IFT74: variants seen among roughly 807,000 people sequenced by gnomAD.
The protein encoded by IFT74 is intraflagellar transport 74.
IFT74 carries 92 observed loss-of-function variants against 96.7 expected under a neutral mutation model. The observed-to-expected ratio is 0.95, with a 90% CI of 0.80 to 1.13. IFT74 has a LOEUF of 1.13. Among genes scored for constraint, IFT74 ranks in the 50% most tolerant of loss-of-function variants. IFT74 has a pLI of 0.00. For missense variants in IFT74, 811 were observed against 698.2 expected (o/e 1.16, Z -1.82); for synonymous variants, 223 against 213.2 (o/e 1.05, Z -0.40).
chr9:26,952,121 GTTTTT>G (rs1367809195), upstream of IFT74, among the ~76,000 whole-genome samples: 3 of 151,966 alleles, frequency 2.0e-5, no homozygotes, highest in South Asian at 2.1e-4. Context: ...CTTTTAGTGA[GTTTTT>G]TTGTTAAACA....
chr9:26,985,551 G>A (rs1827595052), intron 6 of IFT74, among the ~76,000 whole-genome samples: 1 of 152,006 alleles, frequency 6.6e-6, no homozygotes, highest in African/African-American at 2.4e-5. Context: ...TATTGGGAAA[G>A]ATGAAACCAT....
intron 14 of IFT74, among the ~76,000 whole-genome samples, chr9:27,045,419 A>G (rs1476193834): frequency 2.0e-5 from 3 of 152,106 alleles, no homozygotes; most frequent in African/African-American, 7.2e-5. Flanking sequence ...TCTCTTTTAC[A>G]TGCTTCACTA....
chr9:26,969,352 T>C (rs1165855947), intron 2 of IFT74, among the ~76,000 whole-genome samples: 1 of 152,050 alleles, frequency 6.6e-6, no homozygotes, highest in Non-Finnish European at 1.5e-5. Flanking sequence ...TTTTTTAAAC[T>C]GTTTTTGATT....
intron 13 of IFT74, among the ~76,000 whole-genome samples, chr9:27,038,672 G>A (rs1819323207): frequency 6.6e-6 from 1 of 152,226 alleles, no homozygotes; most frequent in South Asian, 2.1e-4. Context: ...AGAGCATAGA[G>A]AAACCCTTAC....
At chr9:27,004,898 A>G (rs1828691028) in intron 8 of IFT74, among the ~76,000 whole-genome samples, 1 of 152,230 alleles carries the variant, frequency 6.6e-6, no homozygotes, top group Non-Finnish European at 1.5e-5. Context: ...ATACTGAAAA[A>G]GAAGCATTGT....
chr9:26,996,633 T>C, intron 8 of IFT74: 1 of 511,332 alleles, frequency 2.0e-6, no homozygotes, highest in Non-Finnish European at 3.1e-6. Flanking sequence ...GTTGTATTTG[T>C]CTAGCAACAT....
chr9:26,948,621 C>A (rs1175481857), intron 1 of IFT74, among the ~76,000 whole-genome samples: 1 of 151,764 alleles, frequency 6.6e-6, no homozygotes, highest in Non-Finnish European at 1.5e-5. Context: ...AGCGCGCCAC[C>A]ATGCCCAGCT....
chr9:26,998,064 T>C, intron 8 of IFT74: 2 of 1,613,612 alleles, frequency 1.2e-6, no homozygotes, highest in South Asian at 2.2e-5. Flanking sequence ...TTATGTAAGA[T>C]AGTAACCTTG....
chr9:27,053,572 A>G (rs1256371908), intron 16 of IFT74, among the ~76,000 whole-genome samples: 2 of 152,130 alleles, frequency 1.3e-5, no homozygotes, highest in East Asian at 3.9e-4. Flanking sequence ...TAAACTTTGC[A>G]ACTTCACGGC....
chr9:27,018,568 T>C (rs1022171070), intron 11 of IFT74, 79 bp from the exon 12 acceptor site: 2 of 724,850 alleles, frequency 2.8e-6, no homozygotes, highest in African/African-American at 3.6e-5. Context: ...ACAATTGTAC[T>C]CTAGAAGGAA....
intron 13 of IFT74, among the ~76,000 whole-genome samples, chr9:27,035,442 G>A (rs537745141): frequency 6.6e-6 from 1 of 152,112 alleles, no homozygotes; most frequent in South Asian, 2.1e-4. Flanking sequence ...TCATTAAAAT[G>A]GTGGTATTAC....
chr9:26,963,453 T>C (rs1208905519), intron 2 of IFT74, among the ~76,000 whole-genome samples: 2 of 150,434 alleles, frequency 1.3e-5, no homozygotes, highest in Non-Finnish European at 2.9e-5. Context: ...GCATGATTTA[T>C]AGTCCTTTGG....
chr9:26,981,860 C>T (rs1358974933), intron 4 of IFT74, among the ~76,000 whole-genome samples: 3 of 151,720 alleles, frequency 2.0e-5, no homozygotes, highest in South Asian at 2.1e-4. Flanking sequence ...CCCTGCCTTC[C>T]GGGTTTAAGC....
intron 10 of IFT74, among the ~76,000 whole-genome samples, chr9:27,012,670 T>C (rs573784992): frequency 7.3e-5 from 11 of 150,774 alleles, no homozygotes; most frequent in East Asian, 2.0e-4. Flanking sequence ...GTGCATATGG[T>C]TTAAAAATAG....
chr9:27,058,990 GA>G (rs1820296015), intron 18 of IFT74, among the ~76,000 whole-genome samples: 1 of 151,874 alleles, frequency 6.6e-6, no homozygotes, highest in African/African-American at 2.4e-5. Context: ...GCAATTCTTG[GA>G]AAAAAATACT....
In IFT74 at chr9:27,063,510, G is replaced by A. The variant is rs534787624; in HGVS notation, c.*774G>A. ...ATATTTGGGGAAAAAAGCTAGAAGA[G>A]GTAGGATTGGGAGAGAGGCATAGAG... On this transcript the variant is annotated 3_prime_UTR_variant, in exon 20 of 20. Transcript: ENST00000380062. Among the ~76,000 whole-genome samples the A allele has an allele frequency of 1.3e-5, 2 of 152,156 alleles. No individual in the cohort carries two copies. The highest frequency in any genetic ancestry group is 3.9e-4 in the East Asian group (2 of 5,174).
chr9:26,981,751 A>G (rs2131533691), intron 4 of IFT74, among the ~76,000 whole-genome samples: 1 of 148,640 alleles, frequency 6.7e-6, no homozygotes, highest in Non-Finnish European at 1.5e-5. Context: ...CACTTTTTTC[A>G]TCTAATGATA....
chr9:26,983,597 T>C (rs573835540), intron 4 of IFT74, among the ~76,000 whole-genome samples: 71 of 152,010 alleles, frequency 4.7e-4, no homozygotes, highest in Non-Finnish European at 8.8e-4. Context: ...TGAGAAACTG[T>C]GCTCTAGAGG....
intron 3 of IFT74, among the ~76,000 whole-genome samples, chr9:26,979,658 C>T (rs1827272142): frequency 6.9e-6 from 1 of 145,310 alleles, no homozygotes; most frequent in Non-Finnish European, 1.5e-5. Context: ...TTGCAGGGCA[C>T]TTCATCTCTT....
Sources: gnomAD v4.1 joint callset for allele counts (sites outside exome capture counted in the v4.1 genomes callset) on GRCh38, gnomAD v4.1.1 for gene constraint, MANE v1.5 for transcripts, NCBI Gene and HGNC (gene_info 2026-07-23, HGNC 2026-07-21) for gene names.